Variants in GDA observed in about 807,000 individuals in gnomAD.
The protein encoded by GDA is cytoplasmic PSD-95 interactor.
GDA carries 18 observed loss-of-function variants against 59.6 expected under a neutral mutation model. The observed-to-expected ratio is 0.30, with a 90% CI of 0.21 to 0.45. The LOEUF is 0.45. Ranked by LOEUF, GDA falls within the 20% of genes least tolerant of loss-of-function variation. The pLI, the probability that GDA is intolerant of heterozygous loss-of-function variation, is 1.00. For missense variants in GDA, 427 were observed against 552.3 expected, an observed-to-expected ratio of 0.77 and a Z score of 2.27; for synonymous variants, 201 against 201.1, an observed-to-expected ratio of 1.00 and a Z score of 0.00.
intron 1 of GDA, among the ~76,000 whole-genome samples, chr9:72,158,447 G>C (rs1828200288): frequency 6.6e-6 from 1 of 152,034 alleles, no homozygotes; most frequent in Non-Finnish European, 1.5e-5. Flanking sequence ...CAAAAAATTA[G>C]CTGGGTGTGG....
At chr9:72,167,456 T>C (rs7030578) in intron 1 of GDA, among the ~76,000 whole-genome samples, 28,274 of 152,160 alleles carry the variant, frequency 0.19, 2,990 homozygotes, top group African/African-American at 0.3. Context: ...CTTAGCAGTT[T>C]GATGAGCATA....
chr9:72,116,182 C>G (rs1474069774), intron 1 of GDA, among the ~76,000 whole-genome samples: 1 of 151,206 alleles, frequency 6.6e-6, no homozygotes, highest in African/African-American at 2.4e-5. Flanking sequence ...TGCGGTGAGC[C>G]GAGATCATGC....
intron 1 of GDA, among the ~76,000 whole-genome samples, chr9:72,137,255 T>C (rs1826268378): frequency 7.4e-6 from 1 of 135,264 alleles, no homozygotes; most frequent in Admixed American, 7.3e-5. Context: ...TTTTTTTTTT[T>C]TTTTTTTTGA....
chr9:72,140,747 A>C (rs935757595), intron 1 of GDA, among the ~76,000 whole-genome samples: 1 of 152,194 alleles, frequency 6.6e-6, no homozygotes, highest in Admixed American at 6.5e-5. Context: ...TACATACCTC[A>C]CGGCACCAAA....
At chr9:72,153,025 T>C (rs1298771961) in intron 1 of GDA, among the ~76,000 whole-genome samples, 5 of 152,166 alleles carry the variant, frequency 3.3e-5, no homozygotes, top group South Asian at 2.1e-4. Context: ...CCAGTTTTCC[T>C]AGCACCATTT....
At chr9:72,242,406 C>T (rs998880557) in intron 11 of GDA, among the ~76,000 whole-genome samples, 12 of 152,252 alleles carry the variant, frequency 7.9e-5, no homozygotes, top group African/African-American at 2.9e-4. Context: ...CTTTAAGTCA[C>T]TTTAGAATTA....
At chr9:72,206,832 T>C (rs1355183910) in intron 3 of GDA, among the ~76,000 whole-genome samples, 1 of 152,178 alleles carries the variant, frequency 6.6e-6, no homozygotes, top group Non-Finnish European at 1.5e-5. Context: ...TTTTGCTACT[T>C]GGATCCCTGT....
intron 6 of GDA, among the ~76,000 whole-genome samples, chr9:72,220,574 G>A (rs1199287807): frequency 6.6e-6 from 1 of 152,102 alleles, no homozygotes; most frequent in Non-Finnish European, 1.5e-5. Context: ...TACCGTCTCA[G>A]GGTAGGTTTT....
At chr9:72,142,481 G>A (rs893084727) in intron 1 of GDA, among the ~76,000 whole-genome samples, 2 of 151,668 alleles carry the variant, frequency 1.3e-5, no homozygotes, top group Non-Finnish European at 2.9e-5. Context: ...GCTGAGGCAG[G>A]AGAATGGTGT....
At chr9:72,184,220 A>C (rs544725171) in intron 1 of GDA, among the ~76,000 whole-genome samples, 15 of 152,304 alleles carry the variant, frequency 9.8e-5, no homozygotes, top group African/African-American at 3.4e-4. Context: ...ATCATTATCA[A>C]CCAAAGTCCA....
intron 10 of GDA, among the ~76,000 whole-genome samples, chr9:72,233,767 C>A (rs1214837519): frequency 6.6e-6 from 1 of 152,068 alleles, no homozygotes; most frequent in Non-Finnish European, 1.5e-5. Flanking sequence ...CATGGCAAAA[C>A]CCTGTCTTTA....
chr9:72,120,752 AT>A (rs2130572883), intron 1 of GDA, among the ~76,000 whole-genome samples: 1 of 152,262 alleles, frequency 6.6e-6, no homozygotes, highest in Non-Finnish European at 1.5e-5. Context: ...AGATATTTAA[AT>A]TTTTCTACTC....
At chr9:72,181,765 A>G (rs1394129743) in intron 1 of GDA, among the ~76,000 whole-genome samples, 1 of 152,158 alleles carries the variant, frequency 6.6e-6, no homozygotes, top group Non-Finnish European at 1.5e-5. Flanking sequence ...TCAGCCTCCC[A>G]AAGTGTGGGA....
At chr9:72,189,614 G>A (rs938542566) in intron 1 of GDA, among the ~76,000 whole-genome samples, 4 of 152,156 alleles carry the variant, frequency 2.6e-5, no homozygotes. Context: ...GCCAAGGCAG[G>A]AAGATCAGTT....
At chr9:72,203,769 T>C (rs960287533) in intron 3 of GDA, among the ~76,000 whole-genome samples, 9 of 152,160 alleles carry the variant, frequency 5.9e-5, no homozygotes, top group Non-Finnish European at 5.9e-5. Context: ...CCAGTTTTTT[T>C]GGTCTTGCAT....
At chr9:72,229,914 G>A (rs1376243278) in intron 9 of GDA, among the ~76,000 whole-genome samples, 1 of 152,156 alleles carries the variant, frequency 6.6e-6, no homozygotes, top group African/African-American at 2.4e-5. Flanking sequence ...TATAATTAGG[G>A]TCTAGTTACT....
chr9:72,213,066 C>T (rs142854917), intron 4 of GDA, among the ~76,000 whole-genome samples: 2,008 of 152,046 alleles, frequency 0.013, 20 homozygotes, highest in Admixed American at 0.022. Flanking sequence ...GTCAGGAGAT[C>T]GAACCATCCT....
At chr9:72,218,177 G>A (rs777125339) in intron 5 of GDA, among the ~76,000 whole-genome samples, 1 of 152,306 alleles carries the variant, frequency 6.6e-6, no homozygotes, top group Non-Finnish European at 1.5e-5. Flanking sequence ...GCCTCCCAAA[G>A]TGCTGAGATT....
At chr9:72,144,072 A>T (rs1190141387) in intron 1 of GDA, among the ~76,000 whole-genome samples, 2 of 152,020 alleles carry the variant, frequency 1.3e-5, no homozygotes, top group Non-Finnish European at 2.9e-5. Context: ...AAACACAAAC[A>T]TTACCCGGGT....
Sources: allele counts gnomAD v4.1 joint callset (sites outside exome capture counted in the v4.1 genomes callset), GRCh38; gene constraint gnomAD v4.1.1; transcripts MANE v1.5; gene names NCBI Gene and HGNC (gene_info 2026-07-23, HGNC 2026-07-21).